DDX46: variants seen among roughly 807,000 people sequenced by gnomAD.
DDX46 encodes probable ATP-dependent RNA helicase DDX46.
Under a neutral mutation model 134.9 loss-of-function variants are expected in DDX46, and 30 were observed. That is an observed-to-expected ratio of 0.22 (90% CI 0.17 to 0.30). The LOEUF is 0.30. DDX46 is among the 10% of genes least tolerant of loss of function. The pLI is 1.00. For synonymous variants in DDX46, 415 were observed against 404.1 expected (o/e 1.03, Z -0.32); for missense variants, 622 against 1,248.7 (o/e 0.50, Z 7.56).
chr5:134,817,311 A>T (rs1247915738), intron 19 of DDX46, 185 bp from the exon 20 acceptor site: 1 of 570,356 alleles, frequency 1.8e-6, no homozygotes, highest in Admixed American at 3.6e-5. Flanking sequence ...ACTAGGAGGT[A>T]CATTAAACTA....
At chr5:134,821,198 C>T (rs1170267117) in intron 21 of DDX46, among the ~76,000 whole-genome samples, 13 of 151,930 alleles carry the variant, frequency 8.6e-5, no homozygotes, top group African/African-American at 2.7e-4. Context: ...CCACCATGCC[C>T]GGCTAATTTT....
chr5:134,767,441 A>G lies in DDX46; in HGVS notation c.350+381A>G, dbSNP rs192479399. On this transcript the variant is annotated intron_variant, in intron 3 of 22. Transcript: ENST00000452510. Reference sequence around the variant, plus strand: ...AACCTTAAACTTGTAGACTCAAGCAATCCTCTCACCTAGGCCTCCAAAAGT... The same window carrying G: ...AACCTTAAACTTGTAGACTCAAGCAGTCCTCTCACCTAGGCCTCCAAAAGT... Among the ~76,000 whole-genome samples the G allele has an allele frequency of 3.8e-3, 578 of 152,098 alleles. 4 individuals carry two copies. The highest frequency in any genetic ancestry group is 0.023 in the South Asian group (109 of 4,820).
intron 6 of DDX46, 129 bp downstream of exon 6, chr5:134,777,854 G>T: frequency 8.7e-7 from 1 of 1,154,872 alleles, no homozygotes; most frequent in Non-Finnish European, 1.2e-6. Flanking sequence ...CTGAGAGATG[G>T]CAGTACTTTT....
At chr5:134,789,365 T>C (rs1406316197) in intron 12 of DDX46, 1 of 152,238 alleles carries the variant, frequency 6.6e-6, no homozygotes, top group African/African-American at 2.4e-5. Flanking sequence ...TTTGGCACTT[T>C]TTATTTTTTG....
intron 3 of DDX46, among the ~76,000 whole-genome samples, chr5:134,768,933 C>T (rs955369009): frequency 1.3e-5 from 2 of 152,074 alleles, no homozygotes; most frequent in African/African-American, 2.4e-5. Context: ...TGGCACACAC[C>T]TGTGATCCCA....
chr5:134,809,008 A>G (rs528973154), intron 16 of DDX46, among the ~76,000 whole-genome samples: 1 of 152,310 alleles, frequency 6.6e-6, no homozygotes, highest in South Asian at 2.1e-4. Context: ...ATGTAATGTC[A>G]TTTTATCCTT....
chr5:134,807,482 G>A (rs965869800), intron 15 of DDX46, among the ~76,000 whole-genome samples: 5 of 152,138 alleles, frequency 3.3e-5, no homozygotes, highest in African/African-American at 1.2e-4. Context: ...TCCCAAACAG[G>A]TTTAGATTAA....
chr5:134,759,578 C>T (rs1185312883), intron 1 of DDX46, among the ~76,000 whole-genome samples: 1 of 152,146 alleles, frequency 6.6e-6, no homozygotes, highest in Non-Finnish European at 1.5e-5. Context: ...TAGATCTCAT[C>T]ACAACTTTAG....
intron 9 of DDX46, among the ~76,000 whole-genome samples, chr5:134,784,063 G>A (rs1754258044): frequency 6.6e-6 from 1 of 151,916 alleles, no homozygotes; most frequent in African/African-American, 2.4e-5. Flanking sequence ...CCCCACCCCT[G>A]GGCAACCATT....
rs544678118 is a variant in DDX46, at chr5:134,817,083, C to T, written c.2614-413C>T. 1.7e-4 allele frequency: 30 copies of T among 181,436 alleles called. No individual in the cohort carries two copies. In the South Asian group the frequency reaches 1.9e-3, roughly 12 times the overall value. 11.2% of individuals were successfully genotyped at this position (181,436 alleles called of 1,614,324 possible). ...CTTTTGAGGCAGTCATTAACTATAA[C>T]GTTTGTAATGTTGGGTTGGGTCATA... On this transcript the variant is annotated intron_variant, in intron 19 of 22. Coordinates refer to ENST00000452510, the MANE Select transcript of DDX46 (RefSeq NM_001300860.2).
At chr5:134,813,619 GT>G (rs142704109) in intron 18 of DDX46, among the ~76,000 whole-genome samples, 2 of 151,568 alleles carry the variant, frequency 1.3e-5, no homozygotes, top group Non-Finnish European at 2.9e-5. Flanking sequence ...TCTTTATGGG[GT>G]TTTTTTTGTC....
At chr5:134,768,009 A>C (rs1753632239) in intron 3 of DDX46, among the ~76,000 whole-genome samples, 1 of 152,116 alleles carries the variant, frequency 6.6e-6, no homozygotes, top group African/African-American at 2.4e-5. Context: ...TTTGTTTAGC[A>C]GTGGACAGAC....
At position 134,780,098 on chromosome 5, in the gene DDX46, A is replaced by ATGTGTGTGTG. The variant is rs71583216; in HGVS notation, c.766-1003_766-994dup. Among the ~76,000 whole-genome samples the ATGTGTGTGTG allele has an allele frequency of 8.5e-3, 1,192 of 139,552 alleles. 5 individuals carry two copies. Among genetic ancestry groups the ATGTGTGTGTG allele is most frequent in the African/African-American group, 0.022 (789 of 36,060 alleles). 91.6% of individuals were successfully genotyped at this position (139,552 alleles called of 152,430 possible). ...ATAAGACTCAGTCTGAAAAAAATATATGTGTGTGTGTGTGTGTGTGTGTGT... is the reference window on the plus strand; with the variant it reads ...ATAAGACTCAGTCTGAAAAAAATATATGTGTGTGTGTGTGTGTGTGTGTGTGTGTGTGTGT... On this transcript the variant is annotated intron_variant, in intron 6 of 22. Coordinates refer to ENST00000452510, the MANE Select transcript of DDX46 (RefSeq NM_001300860.2).
At chr5:134,764,261 C>T (rs181251739) in intron 2 of DDX46, among the ~76,000 whole-genome samples, 169 bp downstream of exon 2, 188 of 151,336 alleles carry the variant, frequency 1.2e-3, no homozygotes, top group Non-Finnish European at 2.3e-3. Context: ...CCTACAAAGA[C>T]TCTATCAAAC....
chr5:134,764,735 G>A (rs1182005473), intron 2 of DDX46, among the ~76,000 whole-genome samples: 1 of 152,032 alleles, frequency 6.6e-6, no homozygotes, highest in Admixed American at 6.6e-5. Flanking sequence ...TGCTCCAGGA[G>A]AGCTGACCAA....
chr5:134,821,010 T>C (rs1755431023), intron 21 of DDX46, among the ~76,000 whole-genome samples: 1 of 149,734 alleles, frequency 6.7e-6, no homozygotes, highest in Non-Finnish European at 1.5e-5. Context: ...GGATTACAGG[T>C]GCCCCCCCGC....
chr5:134,828,648 T>C lies in DDX46; in HGVS notation c.3052-11T>C. On this transcript the variant is annotated splice_polypyrimidine_tract_variant and intron_variant, in intron 22 of 22. Transcript: ENST00000452510. ...TTTCTCTGATGACATATCTTTTATT[T>C]CCTATTACAGCAAAATTCATACCAA... 1 of 1,499,574 alleles carries C rather than the reference T, an allele frequency of 6.7e-7. No individual in the cohort carries two copies. Among genetic ancestry groups the C allele is most frequent in the Admixed American group, 2.4e-5 (1 of 41,698 alleles). The allele number at this position is 1,499,574 out of a possible 1,614,324, so 92.9% of individuals were successfully genotyped here.
intron 16 of DDX46, among the ~76,000 whole-genome samples, chr5:134,808,675 C>G (rs958442969): frequency 5.4e-4 from 82 of 152,172 alleles, no homozygotes; most frequent in African/African-American, 1.9e-3. Context: ...CCCTCTTTAC[C>G]TCCCTATCAT....
At chr5:134,818,026 C>T (rs1185502250) in intron 20 of DDX46, among the ~76,000 whole-genome samples, 1 of 151,526 alleles carries the variant, frequency 6.6e-6, no homozygotes, top group African/African-American at 2.4e-5. Flanking sequence ...CTCGACTCAC[C>T]TCAACCTCCG....
Sources: gnomAD v4.1 joint callset for allele counts (sites outside exome capture counted in the v4.1 genomes callset) on GRCh38, gnomAD v4.1.1 for gene constraint, MANE v1.5 for transcripts, NCBI Gene and HGNC (gene_info 2026-07-23, HGNC 2026-07-21) for gene names.